ANKS1B: variants seen among roughly 807,000 people sequenced by gnomAD.
ANKS1B encodes the protein ankyrin repeat and sterile alpha motif domain containing 1B, also known as ankyrin repeat and sterile alpha motif domain-containing protein 1B.
A neutral mutation model predicts 148.3 loss-of-function variants in ANKS1B; 36 were observed. The observed-to-expected ratio is 0.24, with a 90% CI of 0.19 to 0.32. The LOEUF is 0.32. Among genes scored for constraint, ANKS1B ranks in the 10% least tolerant of loss-of-function variants. ANKS1B has a pLI of 1.00. For missense variants in ANKS1B, 1,157 were observed against 1,542.6 expected, an observed-to-expected ratio of 0.75 and a Z score of 4.19; for synonymous variants, 542 against 560.8, an observed-to-expected ratio of 0.97 and a Z score of 0.47.
At chr12:99,277,201 C>T (rs1231072980) in intron 12 of ANKS1B, among the ~76,000 whole-genome samples, 12 of 152,310 alleles carry the variant, frequency 7.9e-5, no homozygotes, top group Non-Finnish European at 2.9e-5. Flanking sequence ...CTCATCCATT[C>T]CTATCTGCCA....
intron 17 of ANKS1B, among the ~76,000 whole-genome samples, chr12:98,989,202 C>A (rs1026198576): frequency 6.6e-6 from 1 of 152,058 alleles, no homozygotes; most frequent in Admixed American, 6.6e-5. Flanking sequence ...TGTCATGGAG[C>A]TTTCTCCTAT....
intron 25 of ANKS1B, among the ~76,000 whole-genome samples, chr12:98,766,982 ATT>A (rs11295642): frequency 0.017 from 2,346 of 134,956 alleles, 49 homozygotes; most frequent in African/African-American, 0.05. Context: ...TTATTTATTA[ATT>A]TTTTTTTTTT....
At chr12:99,346,461 C>A (rs904701809) in intron 12 of ANKS1B, among the ~76,000 whole-genome samples, 10 of 151,688 alleles carry the variant, frequency 6.6e-5, no homozygotes, top group African/African-American at 2.4e-4. Flanking sequence ...GCTGTTTTCC[C>A]AAATGGAGAG....
At chr12:99,726,356 C>T (rs2058617150) in intron 8 of ANKS1B, among the ~76,000 whole-genome samples, 1 of 152,122 alleles carries the variant, frequency 6.6e-6, no homozygotes, top group South Asian at 2.1e-4. Flanking sequence ...CTATAAACAC[C>T]TCTATGCAAA....
At chr12:99,119,089 T>C (rs919027496) in intron 15 of ANKS1B, among the ~76,000 whole-genome samples, 6 of 152,190 alleles carry the variant, frequency 3.9e-5, no homozygotes, top group Non-Finnish European at 8.8e-5. Flanking sequence ...AGACAGGAAC[T>C]TGCAGTTGTG....
chr12:99,311,286 G>GA (rs2154025876), intron 12 of ANKS1B, among the ~76,000 whole-genome samples: 1 of 152,084 alleles, frequency 6.6e-6, no homozygotes, highest in Non-Finnish European at 1.5e-5. Context: ...CCAGCAAGTT[G>GA]AAAAAAATAT....
intron 14 of ANKS1B, among the ~76,000 whole-genome samples, chr12:99,194,444 G>C (rs2081144843): frequency 6.6e-6 from 1 of 151,528 alleles, no homozygotes; most frequent in Non-Finnish European, 1.5e-5. Context: ...TAAAAATAGA[G>C]TTTCATATTT....
chr12:98,765,262 A>G (rs2098465182), intron 25 of ANKS1B, among the ~76,000 whole-genome samples: 1 of 152,100 alleles, frequency 6.6e-6, no homozygotes, highest in Non-Finnish European at 1.5e-5. Context: ...TGAAGACTAG[A>G]GGCATTCTTT....
At chr12:99,367,305 A>G (rs1338937678) in intron 12 of ANKS1B, among the ~76,000 whole-genome samples, 1 of 152,166 alleles carries the variant, frequency 6.6e-6, no homozygotes, top group African/African-American at 2.4e-5. Flanking sequence ...GAGCACCTAA[A>G]AGATTGCTTA....
At chr12:99,044,907 C>T (rs985412010) in intron 17 of ANKS1B, among the ~76,000 whole-genome samples, 6 of 152,092 alleles carry the variant, frequency 3.9e-5, no homozygotes, top group African/African-American at 9.7e-5. Flanking sequence ...TTAAGGTCAA[C>T]ATACCGAGGG....
At chr12:98,778,880 C>T (rs1452680875) in intron 24 of ANKS1B, among the ~76,000 whole-genome samples, 2 of 152,230 alleles carry the variant, frequency 1.3e-5, no homozygotes, top group African/African-American at 4.8e-5. Context: ...GAGTCACCCA[C>T]ACTCTCCCTA....
At chr12:99,806,332 G>T in intron 4 of ANKS1B, 72 bp downstream of exon 4, 2 of 1,558,584 alleles carry the variant, frequency 1.3e-6, no homozygotes, top group Non-Finnish European at 1.7e-6. Flanking sequence ...CTACATACAG[G>T]TTTTCACATT....
At chr12:99,486,494 A>G (rs1213461799) in intron 10 of ANKS1B, among the ~76,000 whole-genome samples, 1 of 131,444 alleles carries the variant, frequency 7.6e-6, no homozygotes, top group Admixed American at 7.9e-5. Context: ...TTATTTATTT[A>G]TTTTTCCCCA....
intron 11 of ANKS1B, among the ~76,000 whole-genome samples, chr12:99,439,942 A>G (rs145567101): frequency 2.0e-5 from 3 of 151,978 alleles, no homozygotes; most frequent in African/African-American, 7.2e-5. Context: ...ATAGTATATT[A>G]ATCCAATGGT....
rs1399224378 is a variant in ANKS1B, at chr12:99,879,587, AGTTT to A, written c.135-54202_135-54199del. Among the ~76,000 whole-genome samples the A allele has an allele frequency of 5.3e-4, 81 of 152,328 alleles. 1 individual carries two copies. The highest frequency in any genetic ancestry group is 1.8e-3 in the African/African-American group (75 of 41,580). On this transcript the variant is annotated intron_variant, in intron 1 of 26. Transcript: ENST00000683438. ...TATCTCAGATTCTGCAGGATGAATC[AGTTT>A]GTTTATCATTGGTATATCCCTCTGC...
intron 17 of ANKS1B, among the ~76,000 whole-genome samples, chr12:98,952,349 C>A (rs913632815): frequency 6.6e-6 from 1 of 152,160 alleles, no homozygotes; most frequent in Non-Finnish European, 1.5e-5. Context: ...GTTAGCAGAG[C>A]GTAGCATTGA....
chr12:99,179,200 G>A (rs1401350059), intron 14 of ANKS1B, among the ~76,000 whole-genome samples: 1 of 151,850 alleles, frequency 6.6e-6, no homozygotes. Context: ...AGGCTGAGGT[G>A]GGCGGATCAC....
intron 17 of ANKS1B, among the ~76,000 whole-genome samples, chr12:98,995,444 A>T (rs2099928958): frequency 6.6e-6 from 1 of 152,162 alleles, no homozygotes; most frequent in Admixed American, 6.5e-5. Context: ...AAATTTAAAA[A>T]ATTAAAAAAA....
chr12:99,223,359 ATTTC>A (rs568382527), intron 14 of ANKS1B, among the ~76,000 whole-genome samples: 33 of 152,246 alleles, frequency 2.2e-4, no homozygotes, highest in Non-Finnish European at 3.7e-4. Context: ...TGTGCACTTT[ATTTC>A]TATTATTATT....
Sources: allele counts gnomAD v4.1 joint callset (sites outside exome capture counted in the v4.1 genomes callset), GRCh38; gene constraint gnomAD v4.1.1; transcripts MANE v1.5; gene names NCBI Gene and HGNC (gene_info 2026-07-23, HGNC 2026-07-21).